The following CHD9 variants were observed in gnomAD, a reference collection of about 807,000 sequenced individuals.
CHD9 encodes chromodomain helicase DNA binding protein 9.
A neutral mutation model predicts 316.1 loss-of-function variants in CHD9; 77 were observed. The ratio of observed to expected loss-of-function variants is 0.24; its 90% CI spans 0.20 to 0.29. The LOEUF (loss-of-function observed/expected upper bound fraction) is 0.29. CHD9 is among the 10% of genes least tolerant of loss of function. The pLI, the probability that CHD9 is intolerant of heterozygous loss-of-function variation, is 1.00. For missense variants in CHD9, 2,763 were observed against 3,438.1 expected (o/e 0.80, Z 4.91); for synonymous variants, 1,129 against 1,158.3 (o/e 0.97, Z 0.51).
intron 11 of CHD9, among the ~76,000 whole-genome samples, chr16:53,235,705 A>G (rs184582092): frequency 1.7e-4 from 26 of 152,304 alleles, no homozygotes; most frequent in East Asian, 1.3e-3. Context: ...TAAATTATCA[A>G]AGAAGTAGGT....
At chr16:53,235,637 G>C (rs1180546834) in intron 11 of CHD9, among the ~76,000 whole-genome samples, 1 of 152,074 alleles carries the variant, frequency 6.6e-6, no homozygotes. Context: ...CAATCAGTTC[G>C]AGTTAGTGAG....
At chr16:53,306,216 G>T (rs771443485) in intron 31 of CHD9, 21 bp from the exon 32 acceptor site, 3 of 1,412,204 alleles carry the variant, frequency 2.1e-6, no homozygotes, top group South Asian at 1.8e-5. Flanking sequence ...TTTAAAAAAT[G>T]ATTATAATTG....
intron 1 of CHD9, among the ~76,000 whole-genome samples, chr16:53,128,141 C>G (rs1419157457): frequency 6.6e-6 from 1 of 152,058 alleles, no homozygotes; most frequent in Non-Finnish European, 1.5e-5. Flanking sequence ...GTCCAGATAA[C>G]AGGGCCTCTT....
At chr16:53,286,686 A>G (rs1346264352) in intron 26 of CHD9, among the ~76,000 whole-genome samples, 2 of 152,166 alleles carry the variant, frequency 1.3e-5, no homozygotes, top group African/African-American at 4.8e-5. Flanking sequence ...CATTTATTAC[A>G]TAGTCATCCC....
Position 53,305,046 on chromosome 16 carries a change from G to A in CHD9, c.6619+421G>A, listed in dbSNP as rs143841735. On this transcript the variant is annotated intron_variant, in intron 31 of 38. Transcript: ENST00000447540. ...AAGAACTCGTTTCAGGTAACTTAAG[G>A]ATGTTTAAAATTGTTTGCTTACAGT... is the stretch of plus-strand genomic sequence containing the variant. Among the ~76,000 whole-genome samples the A allele has an allele frequency of 4.0e-5, 6 of 150,766 alleles. No homozygotes were observed. The East Asian group carries it at 1.2e-3, about 30-fold the overall frequency.
intron 20 of CHD9, among the ~76,000 whole-genome samples, chr16:53,263,597 C>G (rs2051356557): frequency 6.6e-6 from 1 of 152,094 alleles, no homozygotes; most frequent in Non-Finnish European, 1.5e-5. Context: ...TTTACTAAGA[C>G]ACACTTGTCT....
intron 19 of CHD9, 66 bp from the exon 20 acceptor site, chr16:53,262,921 G>C: frequency 8.3e-7 from 1 of 1,208,400 alleles, no homozygotes; most frequent in Non-Finnish European, 1.2e-6. Flanking sequence ...TAGTAAATGT[G>C]AGGAGATAAT....
At chr16:53,314,690 T>A (rs1038589402) in intron 35 of CHD9, 133 bp from the exon 36 acceptor site, 886 of 1,024,764 alleles carry the variant, frequency 8.6e-4, no homozygotes, top group Non-Finnish European at 1.1e-3. Flanking sequence ...GTGATAAAAA[T>A]TTTAAGTTTA....
chr16:53,093,370 A>G (rs1033629898), intron 1 of CHD9, among the ~76,000 whole-genome samples: 1 of 152,280 alleles, frequency 6.6e-6, no homozygotes, highest in Admixed American at 6.5e-5. Context: ...ATTATCTATT[A>G]CAGCCCTAAG....
At position 53,081,837 on chromosome 16, in the gene CHD9, T is replaced by C. The variant is rs948728495; in HGVS notation, c.-165+26760T>C. ...AGTGATCTGTTTATATTTGTCAAGTTTGTGAATGAATGAATGAATGAATGA... is the reference window on the plus strand; with the variant it reads ...AGTGATCTGTTTATATTTGTCAAGTCTGTGAATGAATGAATGAATGAATGA... On this transcript the variant is annotated intron_variant, in intron 1 of 38. Coordinates refer to ENST00000447540, the MANE Select transcript of CHD9 (RefSeq NM_001308319.2). 5.9e-5 allele frequency among the ~76,000 whole-genome samples: 5 copies of C among 84,636 alleles called. No homozygotes were observed. The East Asian group carries it at 2.2e-3, about 37-fold the overall frequency. 55.5% of individuals were successfully genotyped at this position (84,636 alleles called of 152,430 possible). A position where few individuals can be genotyped will look rare whatever the true frequency, so the allele number is the denominator to read the frequency against.
intron 7 of CHD9, 136 bp downstream of exon 7, chr16:53,227,739 C>T: frequency 4.3e-6 from 1 of 231,134 alleles, no homozygotes; most frequent in Non-Finnish European, 8.1e-6. Flanking sequence ...CTGCATAACT[C>T]AAGAATCATT....
chr16:53,173,893 T>C (rs1283186197), intron 2 of CHD9, among the ~76,000 whole-genome samples: 1 of 152,164 alleles, frequency 6.6e-6, no homozygotes, highest in Non-Finnish European at 1.5e-5. Context: ...CATTAAGATC[T>C]TTCTTCTTAT....
chr16:53,125,935 A>G (rs1406291934), intron 1 of CHD9, among the ~76,000 whole-genome samples: 1 of 152,184 alleles, frequency 6.6e-6, no homozygotes, highest in Non-Finnish European at 1.5e-5. Context: ...ATTTTCTCTC[A>G]TTCTGTTTTG....
chr16:53,123,497 C>CATTATT (rs199538310), intron 1 of CHD9, among the ~76,000 whole-genome samples: 1 of 151,492 alleles, frequency 6.6e-6, no homozygotes, highest in Admixed American at 6.6e-5. Context: ...TTTTAATTTT[C>CATTATT]ATTATTATTA....
intron 37 of CHD9, among the ~76,000 whole-genome samples, chr16:53,318,651 C>G (rs1044787241): frequency 6.6e-6 from 1 of 152,186 alleles, no homozygotes; most frequent in Non-Finnish European, 1.5e-5. Context: ...GATTTCACCT[C>G]TCAAGGAATA....
intron 2 of CHD9, among the ~76,000 whole-genome samples, chr16:53,193,569 C>T (rs1475739009): frequency 2.0e-5 from 3 of 152,176 alleles, no homozygotes; most frequent in Admixed American, 1.3e-4. Flanking sequence ...AGTGTTTATT[C>T]GCAATCCTTT....
chr16:53,175,355 T>C (rs549208345), intron 2 of CHD9, among the ~76,000 whole-genome samples: 40 of 152,340 alleles, frequency 2.6e-4, no homozygotes, highest in African/African-American at 8.9e-4. Flanking sequence ...TATTCTGCAG[T>C]TTGCAGTAAG....
chr16:53,243,073 G>A, intron 13 of CHD9, 57 bp downstream of exon 13: 1 of 1,257,592 alleles, frequency 8.0e-7, no homozygotes, highest in Non-Finnish European at 1.1e-6. Context: ...TATAGTGAAA[G>A]GTTATAGAGT....
chr16:53,068,377 G>T (rs1211482051), intron 1 of CHD9, among the ~76,000 whole-genome samples: 1 of 152,090 alleles, frequency 6.6e-6, no homozygotes, highest in Non-Finnish European at 1.5e-5. Context: ...GCACCGAGTT[G>T]CATTCTCACT....
Sources: gnomAD v4.1 joint callset for allele counts (sites outside exome capture counted in the v4.1 genomes callset) on GRCh38, gnomAD v4.1.1 for gene constraint, MANE v1.5 for transcripts, NCBI Gene and HGNC (gene_info 2026-07-23, HGNC 2026-07-21) for gene names.